XRCC4: variants seen among roughly 807,000 people sequenced by gnomAD.
XRCC4 encodes the protein DNA repair protein XRCC4.
A neutral mutation model predicts 39.1 loss-of-function variants in XRCC4; 28 were observed. That is an observed-to-expected ratio of 0.72 (90% CI 0.53 to 0.98). XRCC4 has a LOEUF of 0.98. XRCC4 is among the 50% of genes least tolerant of loss of function. XRCC4 has a pLI of 0.00. For missense variants in XRCC4, 350 were observed against 376.4 expected (o/e 0.93, Z 0.58); for synonymous variants, 123 against 126.4 (o/e 0.97, Z 0.18).
At chr5:83,371,368 T>G in the XRCC4 span, among the ~76,000 whole-genome samples, 1 of 152,202 alleles carries the variant, frequency 6.6e-6, no homozygotes, top group Non-Finnish European at 1.5e-5. Context: ...ACTGTCAGTT[T>G]ATAAAGACAA....
chr5:83,079,568 G>A (rs905311852), intron 1 of XRCC4, among the ~76,000 whole-genome samples: 1 of 151,954 alleles, frequency 6.6e-6, no homozygotes, highest in Non-Finnish European at 1.5e-5. Flanking sequence ...TTGCTCTGTT[G>A]CCCAGGGTGG....
intron 4 of XRCC4, 34 bp downstream of exon 4, chr5:83,195,970 C>A: frequency 1.3e-6 from 2 of 1,528,372 alleles, no homozygotes; most frequent in Non-Finnish European, 1.8e-6. Flanking sequence ...TATAAAAATA[C>A]GGAGCCCTCT....
At chr5:83,263,675 C>T (rs1441028835) in intron 7 of XRCC4, among the ~76,000 whole-genome samples, 1 of 151,190 alleles carries the variant, frequency 6.6e-6, no homozygotes, top group African/African-American at 2.4e-5. Flanking sequence ...GTCCTTCGCC[C>T]ACTTTTTGAT....
chr5:83,267,242 A>T (rs301275), intron 7 of XRCC4, among the ~76,000 whole-genome samples: 57,590 of 152,024 alleles, frequency 0.38, 14,145 homozygotes, highest in East Asian at 0.81. Flanking sequence ...GAGGAGGTGT[A>T]ACTGGAGTTT....
intron 4 of XRCC4, among the ~76,000 whole-genome samples, chr5:83,200,516 A>T (rs913867330): frequency 6.6e-6 from 1 of 152,030 alleles, no homozygotes; most frequent in Non-Finnish European, 1.5e-5. Context: ...ATATTATATG[A>T]TATTTCATTT....
intron 7 of XRCC4, among the ~76,000 whole-genome samples, chr5:83,306,716 C>G (rs1227777471): frequency 6.6e-6 from 1 of 152,182 alleles, no homozygotes; most frequent in Non-Finnish European, 1.5e-5. Context: ...AGCACTGTCC[C>G]TCCCTGACTC....
intron 3 of XRCC4, among the ~76,000 whole-genome samples, chr5:83,190,642 A>T (rs1750652623): frequency 2.0e-5 from 3 of 152,178 alleles, no homozygotes; most frequent in Non-Finnish European, 4.4e-5. Context: ...ATCAAATCAC[A>T]CCTTGATAAT....
chr5:83,116,608 CTTTTTTTTTTTTTTTTTTTT>C (rs559079642), intron 3 of XRCC4, among the ~76,000 whole-genome samples: 1 of 103,196 alleles, frequency 9.7e-6, no homozygotes, highest in South Asian at 3.2e-4. Flanking sequence ...TTCTCTCTCT[CTTTTTTTTTTTTTTTTTTTT>C]TTTTTTTTTT....
At chr5:83,225,791 C>G (rs759185710) in intron 6 of XRCC4, among the ~76,000 whole-genome samples, 1 of 151,572 alleles carries the variant, frequency 6.6e-6, no homozygotes, top group Non-Finnish European at 1.5e-5. Flanking sequence ...GTGCCTAAGC[C>G]TCTGCTACGA....
intron 6 of XRCC4, among the ~76,000 whole-genome samples, chr5:83,225,281 G>A (rs1332256400): frequency 1.3e-5 from 2 of 152,054 alleles, no homozygotes; most frequent in Non-Finnish European, 2.9e-5. Context: ...TGTTATGGTT[G>A]GGGTGTTGAA....
chr5:83,090,344 TG>T (rs35755257), intron 1 of XRCC4, among the ~76,000 whole-genome samples: 1 of 149,818 alleles, frequency 6.7e-6, no homozygotes, highest in African/African-American at 2.5e-5. Flanking sequence ...GTGGTGGGGT[TG>T]GGGGGGGCTC....
chr5:83,349,141 T>G (rs1461346988), intron 7 of XRCC4, among the ~76,000 whole-genome samples: 1 of 152,176 alleles, frequency 6.6e-6, no homozygotes, highest in African/African-American at 2.4e-5. Flanking sequence ...CCAAAGTTGC[T>G]TCTATATTTT....
At chr5:83,087,737 C>A (rs1745248021) in intron 1 of XRCC4, among the ~76,000 whole-genome samples, 1 of 151,880 alleles carries the variant, frequency 6.6e-6, no homozygotes, top group African/African-American at 2.4e-5. Context: ...TACTAAAATA[C>A]ACAAAAAAAT....
At chr5:83,249,590 A>G (rs1439626865) in intron 6 of XRCC4, among the ~76,000 whole-genome samples, 1 of 152,162 alleles carries the variant, frequency 6.6e-6, no homozygotes, top group Non-Finnish European at 1.5e-5. Context: ...TTAAGCATGC[A>G]TTGGCAAAAT....
At chr5:83,169,286 T>C (rs551363680) in intron 3 of XRCC4, among the ~76,000 whole-genome samples, 1 of 152,322 alleles carries the variant, frequency 6.6e-6, no homozygotes, top group South Asian at 2.1e-4. Flanking sequence ...TATTTCTTAC[T>C]AAATTTAAAG....
chr5:83,131,953 T>C (rs189047090), intron 3 of XRCC4, among the ~76,000 whole-genome samples: 2 of 152,294 alleles, frequency 1.3e-5, no homozygotes, highest in East Asian at 3.9e-4. Flanking sequence ...TGCTCGTTAG[T>C]TGATGCAGTT....
chr5:83,165,256 T>A (rs1012896454), intron 3 of XRCC4, among the ~76,000 whole-genome samples: 10 of 152,106 alleles, frequency 6.6e-5, no homozygotes, highest in African/African-American at 2.4e-4. Context: ...TAAGAAGTTT[T>A]AAAAAAATTC....
intron 6 of XRCC4, among the ~76,000 whole-genome samples, chr5:83,245,833 TC>T (rs201220766): frequency 3.6e-5 from 5 of 139,860 alleles, no homozygotes; most frequent in South Asian, 2.6e-4. Context: ...CTTTTCTCAC[TC>T]CCCCCCTCCA....
At chr5:83,115,852 T>C (rs1472056074) in intron 3 of XRCC4, among the ~76,000 whole-genome samples, 1 of 152,232 alleles carries the variant, frequency 6.6e-6, no homozygotes, top group East Asian at 1.9e-4. Context: ...TTTATTTATT[T>C]GTTTATGAGA....
Sources: gnomAD v4.1 joint callset for allele counts (sites outside exome capture counted in the v4.1 genomes callset) on GRCh38, gnomAD v4.1.1 for gene constraint, MANE v1.5 for transcripts, NCBI Gene and HGNC (gene_info 2026-07-23, HGNC 2026-07-21) for gene names.